The following SV2C variants were observed in gnomAD, a reference collection of about 807,000 sequenced individuals.
SV2C encodes solute carrier family 22 member B3.
SV2C carries 49 observed loss-of-function variants against 79.7 expected under a neutral mutation model. The observed-to-expected ratio is 0.61, with a 90% CI of 0.49 to 0.78. The LOEUF (loss-of-function observed/expected upper bound fraction) is 0.78. Ranked by LOEUF, SV2C falls within the 30% of genes least tolerant of loss-of-function variation. The pLI is 0.00. For synonymous variants in SV2C, 334 were observed against 333.2 expected, an observed-to-expected ratio of 1.00 and a Z score of -0.03; for missense variants, 833 against 912.9, an observed-to-expected ratio of 0.91 and a Z score of 1.13.
chr5:76,214,377 G>A (rs1044860318), intron 4 of SV2C, among the ~76,000 whole-genome samples: 1 of 152,082 alleles, frequency 6.6e-6, no homozygotes, highest in African/African-American at 2.4e-5. Context: ...TCTCTATTCT[G>A]TTCCGTTGGT....
the SV2C span, among the ~76,000 whole-genome samples, chr5:75,896,262 G>T: frequency 7.2e-6 from 1 of 138,988 alleles, no homozygotes; most frequent in Admixed American, 8.3e-5. Context: ...CCCTTCCTGT[G>T]TCCATATGTT....
intron 4 of SV2C, among the ~76,000 whole-genome samples, chr5:76,281,720 C>T (rs1747201587): frequency 1.3e-5 from 2 of 152,158 alleles, no homozygotes; most frequent in Admixed American, 1.3e-4. Flanking sequence ...TGACCCACTC[C>T]TCTATCTTCA....
chr5:76,009,807 T>C, the SV2C span, among the ~76,000 whole-genome samples: 1 of 152,012 alleles, frequency 6.6e-6, no homozygotes, highest in East Asian at 1.9e-4. Flanking sequence ...GATACTATGC[T>C]CAGCACCTTG....
At chr5:76,345,491 C>T (rs1561327842) in intron 12 of SV2C, among the ~76,000 whole-genome samples, 1 of 152,260 alleles carries the variant, frequency 6.6e-6, no homozygotes, top group South Asian at 2.1e-4. Context: ...ATTATCAGGG[C>T]TCCTAGAAGT....
At chr5:76,295,429 A>T (rs1321260592) in intron 8 of SV2C, among the ~76,000 whole-genome samples, 1 of 152,126 alleles carries the variant, frequency 6.6e-6, no homozygotes, top group Non-Finnish European at 1.5e-5. Flanking sequence ...ATATTATTAT[A>T]CTGGGGTTTA....
the SV2C span, among the ~76,000 whole-genome samples, chr5:76,010,661 A>C: frequency 1.3e-5 from 2 of 152,262 alleles, no homozygotes; most frequent in African/African-American, 4.8e-5. Flanking sequence ...TCTAACATTA[A>C]AATTGGGTAC....
the SV2C span, among the ~76,000 whole-genome samples, chr5:75,997,371 AGC>A: frequency 6.7e-6 from 1 of 149,064 alleles, no homozygotes; most frequent in Non-Finnish European, 1.5e-5. Context: ...GCTTCTGCGC[AGC>A]AAAAAAACCT....
At chr5:76,141,165 C>CT (rs1385689271) in intron 2 of SV2C, among the ~76,000 whole-genome samples, 1 of 152,182 alleles carries the variant, frequency 6.6e-6, no homozygotes, top group Non-Finnish European at 1.5e-5. Context: ...GTCGGGTTCA[C>CT]TTTCACAGGA....
chr5:76,082,293 C>T (rs1216746292), upstream of SV2C: 1 of 152,272 alleles, frequency 6.6e-6, no homozygotes, highest in African/African-American at 2.4e-5. Flanking sequence ...CCACTGCTGC[C>T]GCGGGGTGGG....
chr5:75,867,054 A>G, the SV2C span, among the ~76,000 whole-genome samples: 1 of 152,158 alleles, frequency 6.6e-6, no homozygotes, highest in Non-Finnish European at 1.5e-5. Context: ...AGTGGGAAAA[A>G]CATGGTAGCA....
chr5:76,081,614 G>T (rs542537024), upstream of SV2C, among the ~76,000 whole-genome samples: 1 of 152,178 alleles, frequency 6.6e-6, no homozygotes, highest in East Asian at 1.9e-4. Flanking sequence ...TTTTCATATT[G>T]CCTGACCATC....
chr5:75,972,837 A>C, the SV2C span, among the ~76,000 whole-genome samples: 1 of 152,140 alleles, frequency 6.6e-6, no homozygotes, highest in African/African-American at 2.4e-5. Flanking sequence ...GTAAACACCC[A>C]AAGGATTATA....
At chr5:76,319,222 G>A (rs943780216) in intron 12 of SV2C, among the ~76,000 whole-genome samples, 1 of 150,142 alleles carries the variant, frequency 6.7e-6, no homozygotes, top group Non-Finnish European at 1.5e-5. Flanking sequence ...AACACCCTGG[G>A]CAACATGGTG....
the SV2C span, among the ~76,000 whole-genome samples, chr5:75,857,294 G>A: frequency 0.015 from 2,287 of 152,104 alleles, 59 homozygotes; most frequent in African/African-American, 0.052. Context: ...TTTAAGGTGA[G>A]AGATAGGGGC....
At chr5:75,911,399 G>A in the SV2C span, 6 of 1,129,522 alleles carry the variant, frequency 5.3e-6, no homozygotes, top group Non-Finnish European at 6.5e-6. Flanking sequence ...TATATCCAGA[G>A]GACGTCAGCA....
the SV2C span, among the ~76,000 whole-genome samples, chr5:76,033,284 G>GT: frequency 2.6e-5 from 4 of 151,906 alleles, no homozygotes; most frequent in African/African-American, 7.3e-5. Flanking sequence ...GGCTTTTGTT[G>GT]CCATTGCTTT....
chr5:76,289,552 C>A (rs1232798016), intron 6 of SV2C, among the ~76,000 whole-genome samples: 1 of 152,176 alleles, frequency 6.6e-6, no homozygotes, highest in Non-Finnish European at 1.5e-5. Context: ...AAACTATATT[C>A]TTTCTTTTAT....
the SV2C span, among the ~76,000 whole-genome samples, chr5:76,051,939 T>C: frequency 6.6e-6 from 1 of 152,210 alleles, no homozygotes; most frequent in Non-Finnish European, 1.5e-5. Context: ...CTTTATTCTC[T>C]GCAGAGTAAT....
the SV2C span, among the ~76,000 whole-genome samples, chr5:76,047,409 G>T: frequency 6.6e-6 from 1 of 152,184 alleles, no homozygotes; most frequent in African/African-American, 2.4e-5. Flanking sequence ...GTTTGGATAT[G>T]CAGTTGCCAA....
Sources: gnomAD v4.1 joint callset for allele counts (sites outside exome capture counted in the v4.1 genomes callset) on GRCh38, gnomAD v4.1.1 for gene constraint, MANE v1.5 for transcripts, NCBI Gene and HGNC (gene_info 2026-07-23, HGNC 2026-07-21) for gene names.